KIAA1958: variants seen among roughly 807,000 people sequenced by gnomAD.
The protein encoded by KIAA1958 is uncharacterized protein KIAA1958.
KIAA1958 carries 14 observed loss-of-function variants against 47.2 expected under a neutral mutation model. That is an observed-to-expected ratio of 0.30 (90% confidence interval 0.20 to 0.46). The LOEUF (loss-of-function observed/expected upper bound fraction) is 0.46. KIAA1958 is among the 20% of genes least tolerant of loss of function. The pLI, the probability that KIAA1958 is intolerant of heterozygous loss-of-function variation, is 1.00. For synonymous variants in KIAA1958, 354 were observed against 353.3 expected (o/e 1.00, Z -0.02); for missense variants, 803 against 909.2 (o/e 0.88, Z 1.50).
intron 2 of KIAA1958, among the ~76,000 whole-genome samples, chr9:112,642,848 A>G (rs1219846348): frequency 1.3e-5 from 2 of 152,214 alleles, no homozygotes; most frequent in Non-Finnish European, 2.9e-5. Flanking sequence ...ATAATCATGA[A>G]CGAACCATAT....
At chr9:112,545,372 A>C (rs1380468048) in intron 1 of KIAA1958, among the ~76,000 whole-genome samples, 2 of 152,228 alleles carry the variant, frequency 1.3e-5, no homozygotes, top group African/African-American at 4.8e-5. Context: ...GTATGAACTT[A>C]GGTACTTGTA....
At chr9:112,650,101 A>G (rs920758481) in intron 3 of KIAA1958, among the ~76,000 whole-genome samples, 1 of 152,110 alleles carries the variant, frequency 6.6e-6, no homozygotes, top group African/African-American at 2.4e-5. Flanking sequence ...CCAGGAGACA[A>G]TAGAATAACA....
intron 3 of KIAA1958, among the ~76,000 whole-genome samples, chr9:112,648,938 C>A (rs1205130192): frequency 6.6e-6 from 1 of 151,922 alleles, no homozygotes; most frequent in African/African-American, 2.4e-5. Flanking sequence ...AACTAGAAGA[C>A]AAGGACATTA....
At chr9:112,553,522 T>C (rs921123089) in intron 1 of KIAA1958, among the ~76,000 whole-genome samples, 3 of 152,152 alleles carry the variant, frequency 2.0e-5, no homozygotes, top group Non-Finnish European at 4.4e-5. Flanking sequence ...TCTTAAACTT[T>C]CCAACTCAGT....
rs1315402129 is a variant in KIAA1958, at chr9:112,664,281, T to C, written c.*4212T>C. The C allele has an allele frequency of 2.0e-5, 3 of 152,254 alleles. No homozygotes were observed. The highest frequency in any genetic ancestry group is 4.4e-5 in the Non-Finnish European group (3 of 68,052). 9.4% of individuals were successfully genotyped at this position (152,254 alleles called of 1,614,324 possible). The stretch of plus-strand genomic sequence containing the variant: ...TTTGCTATCTCGAAGCAGCAGAATA[T>C]TGATCATTTTTCTCAGTTTAGGCTA... On this transcript the variant is annotated 3_prime_UTR_variant, in exon 4 of 4. Coordinates refer to ENST00000337530, the MANE Select transcript of KIAA1958 (RefSeq NM_133465.4).
chr9:112,590,323 C>T (rs1366583429), intron 2 of KIAA1958, among the ~76,000 whole-genome samples: 1 of 151,554 alleles, frequency 6.6e-6, no homozygotes, highest in African/African-American at 2.4e-5. Flanking sequence ...GTGACAACTC[C>T]TGACCCATCA....
At chr9:112,502,365 GCTCAT>G (rs772578333) in intron 1 of KIAA1958, among the ~76,000 whole-genome samples, 144,278 of 151,468 alleles carry the variant, frequency 0.95, 68,776 homozygotes, top group South Asian at 0.98. Flanking sequence ...CTGAGTCATG[GCTCAT>G]GCCATGCTTT....
intron 2 of KIAA1958, among the ~76,000 whole-genome samples, chr9:112,637,534 C>A (rs918854697): frequency 1.3e-5 from 2 of 152,034 alleles, no homozygotes; most frequent in Non-Finnish European, 2.9e-5. Context: ...CCCGTGACCA[C>A]GCCCGGCAGA....
At chr9:112,504,858 A>C (rs1243920700) in intron 1 of KIAA1958, among the ~76,000 whole-genome samples, 1 of 152,114 alleles carries the variant, frequency 6.6e-6, no homozygotes, top group Non-Finnish European at 1.5e-5. Context: ...GTACATGTAA[A>C]ATTTTGTTAA....
At chr9:112,521,521 T>A (rs1223951811) in intron 1 of KIAA1958, among the ~76,000 whole-genome samples, 1 of 152,194 alleles carries the variant, frequency 6.6e-6, no homozygotes, top group Admixed American at 6.5e-5. Context: ...GCCCTCTGAA[T>A]AGTCTATATT....
At chr9:112,498,669 T>A (rs2132762399) in intron 1 of KIAA1958, among the ~76,000 whole-genome samples, 1 of 152,336 alleles carries the variant, frequency 6.6e-6, no homozygotes, top group South Asian at 2.1e-4. Context: ...GTTTTTGGGA[T>A]ACAGAGTAAT....
intron 1 of KIAA1958, among the ~76,000 whole-genome samples, chr9:112,501,403 G>A (rs1054054487): frequency 3.3e-5 from 5 of 151,960 alleles, no homozygotes; most frequent in Middle Eastern, 3.4e-3. Context: ...TAATGGCGCC[G>A]CTGCATTCTA....
intron 1 of KIAA1958, among the ~76,000 whole-genome samples, chr9:112,493,932 AT>A (rs1834012227): frequency 2.0e-5 from 3 of 152,196 alleles, no homozygotes; most frequent in Non-Finnish European, 4.4e-5. Flanking sequence ...TTCCCTCACA[AT>A]TACTTAACTG....
intron 2 of KIAA1958, among the ~76,000 whole-genome samples, chr9:112,638,193 T>C (rs1361338322): frequency 6.6e-6 from 1 of 151,982 alleles, no homozygotes; most frequent in Non-Finnish European, 1.5e-5. Context: ...TGTGGTGTTA[T>C]GTGGGAAGTT....
At chr9:112,613,408 A>G (rs765956329) in intron 2 of KIAA1958, among the ~76,000 whole-genome samples, 13 of 152,198 alleles carry the variant, frequency 8.5e-5, no homozygotes, top group African/African-American at 3.1e-4. Flanking sequence ...AAATGGAAAA[A>G]TCTTTCATAA....
chr9:112,504,390 T>C (rs898267010), intron 1 of KIAA1958, among the ~76,000 whole-genome samples: 2 of 152,210 alleles, frequency 1.3e-5, no homozygotes, highest in Non-Finnish European at 2.9e-5. Flanking sequence ...GATTTCGCCA[T>C]GTTGGCCAGG....
In KIAA1958 at chr9:112,618,259, C is replaced by T. The variant is rs1202711084; in HGVS notation, c.1172-27391C>T. The T allele has an allele frequency of 6.4e-7, 1 of 1,550,834 alleles. No homozygotes were observed. The highest frequency in any genetic ancestry group is 8.7e-7 in the Non-Finnish European group (1 of 1,147,040). ...ATAAGCCACACAAGTCCATGAAGCTCACCTTTGCTGACGAGCTCATCCTGC... is the reference window on the plus strand; with the variant it reads ...ATAAGCCACACAAGTCCATGAAGCTTACCTTTGCTGACGAGCTCATCCTGC... On this transcript the variant is annotated intron_variant, in intron 2 of 3. Transcript: ENST00000337530. The surrounding 1 kb of genome is among the most constrained non-coding windows in gnomAD (Gnocchi z 7.1).
intron 2 of KIAA1958, among the ~76,000 whole-genome samples, chr9:112,616,084 G>C (rs1836404494): frequency 6.6e-6 from 1 of 152,186 alleles, no homozygotes; most frequent in Admixed American, 6.5e-5. Flanking sequence ...AAACAGTCAA[G>C]GAAGCCAGCA....
chr9:112,538,520 CA>C (rs1293726316), intron 1 of KIAA1958, among the ~76,000 whole-genome samples: 2 of 152,062 alleles, frequency 1.3e-5, no homozygotes, highest in Admixed American at 6.6e-5. Flanking sequence ...CAAAGCAGAA[CA>C]GCATTAGACA....
Sources: gnomAD v4.1 joint callset for allele counts (sites outside exome capture counted in the v4.1 genomes callset) on GRCh38, gnomAD v4.1.1 for gene constraint, Gnocchi (gnomAD v3.1) non-coding constraint, MANE v1.5 for transcripts, NCBI Gene and HGNC (gene_info 2026-07-23, HGNC 2026-07-21) for gene names.